Variants in ZNF804B observed in about 807,000 individuals in gnomAD.
ZNF804B encodes zinc finger protein 804B.
In ZNF804B, 80 loss-of-function variants were observed where a neutral mutation model predicts 101.4. The ratio of observed to expected loss-of-function variants is 0.79; its 90% CI spans 0.66 to 0.95. The LOEUF is 0.95. ZNF804B is among the 40% of genes least tolerant of loss of function. The probability of loss-of-function intolerance (pLI) is 0.00; values close to 1 mark genes in which losing one functional copy is unlikely to be tolerated. For synonymous variants in ZNF804B, 622 were observed against 558.8 expected (o/e 1.11, Z -1.59); for missense variants, 1,673 against 1,561.9 (o/e 1.07, Z -1.20).
At position 88,815,089 on chromosome 7, in the gene ZNF804B, T is replaced by C. The variant is rs557170069; in HGVS notation, c.108+55005T>C. ...ATATATGTATATATGTGTTCATACA[T>C]ATATGTATTATGTATATTCTCACAT... is the stretch of plus-strand genomic sequence containing the variant. On this transcript the variant is annotated intron_variant, in intron 1 of 3. Coordinates refer to ENST00000333190, the MANE Select transcript of ZNF804B (RefSeq NM_181646.5). Among the ~76,000 whole-genome samples the C allele has an allele frequency of 5.4e-5, 8 of 148,756 alleles. No homozygotes were observed. The East Asian group carries it at 7.8e-4, about 14-fold the overall frequency.
At chr7:89,015,412 T>C (rs1213049365) in intron 1 of ZNF804B, among the ~76,000 whole-genome samples, 1 of 152,068 alleles carries the variant, frequency 6.6e-6, no homozygotes, top group East Asian at 1.9e-4. Flanking sequence ...TGTATACATG[T>C]GCTATGCTGG....
rs141170314 is a variant in ZNF804B at position 88,900,912 on chromosome 7, A to G, written c.108+140828A>G. ...TCAAGGCAAACAAAGGTAAAATATT[A>G]TATTTAAAATAGCCGTAGTACATAC... On this transcript the variant is annotated intron_variant, in intron 1 of 3. Coordinates refer to ENST00000333190, the MANE Select transcript of ZNF804B (RefSeq NM_181646.5). Among the ~76,000 whole-genome samples, 236 of 151,868 alleles carry G rather than the reference A, an allele frequency of 1.6e-3. 2 individuals carry two copies. Among genetic ancestry groups the G allele is most frequent in the African/African-American group, 5.2e-3 (217 of 41,518 alleles).
At chr7:88,891,870 A>G (rs954877341) in intron 1 of ZNF804B, among the ~76,000 whole-genome samples, 1 of 152,034 alleles carries the variant, frequency 6.6e-6, no homozygotes, top group African/African-American at 2.4e-5. Flanking sequence ...GGTATATGCT[A>G]TCCCTCCCCT....
At chr7:89,248,555 G>C (rs150555962) in intron 2 of ZNF804B, among the ~76,000 whole-genome samples, 2 of 151,694 alleles carry the variant, frequency 1.3e-5, no homozygotes, top group African/African-American at 4.8e-5. Context: ...CTTAAGCAAA[G>C]GAGAAATAAA....
chr7:89,168,467 T>C (rs1474895866), intron 1 of ZNF804B, among the ~76,000 whole-genome samples: 1 of 152,274 alleles, frequency 6.6e-6, no homozygotes, highest in East Asian at 1.9e-4. Flanking sequence ...TTATTTATTT[T>C]AGGTGTTTAA....
intron 1 of ZNF804B, among the ~76,000 whole-genome samples, chr7:89,174,052 C>T (rs375122887): frequency 2.0e-5 from 3 of 151,896 alleles, no homozygotes; most frequent in South Asian, 2.1e-4. Context: ...AAGGATCCAT[C>T]GCCTCAAGCA....
At chr7:88,875,441 G>T (rs1284427732) in intron 1 of ZNF804B, among the ~76,000 whole-genome samples, 1 of 151,914 alleles carries the variant, frequency 6.6e-6, no homozygotes, top group Non-Finnish European at 1.5e-5. Context: ...AAAGAGAGAA[G>T]AATCAAATAG....
At chr7:88,863,426 T>C (rs1214772694) in intron 1 of ZNF804B, among the ~76,000 whole-genome samples, 2 of 152,216 alleles carry the variant, frequency 1.3e-5, no homozygotes, top group African/African-American at 2.4e-5. Flanking sequence ...CAGGTATTTA[T>C]TGAACATTTA....
At chr7:89,040,548 C>T (rs886706186) in intron 1 of ZNF804B, among the ~76,000 whole-genome samples, 5 of 152,102 alleles carry the variant, frequency 3.3e-5, no homozygotes, top group African/African-American at 1.2e-4. Context: ...TGTCTATGTT[C>T]TCTTATAGCT....
chr7:89,189,426 G>A (rs1258722912), intron 1 of ZNF804B, among the ~76,000 whole-genome samples: 2 of 152,108 alleles, frequency 1.3e-5, no homozygotes, highest in African/African-American at 4.8e-5. Flanking sequence ...TGAGGCAGCT[G>A]CTCGGAAGCC....
chr7:89,155,438 T>G (rs757208622), intron 1 of ZNF804B, among the ~76,000 whole-genome samples: 5 of 152,090 alleles, frequency 3.3e-5, no homozygotes, highest in African/African-American at 9.7e-5. Flanking sequence ...TCTTACCATC[T>G]CTCTCACCTG....
chr7:88,876,871 A>T (rs1195629618), intron 1 of ZNF804B, among the ~76,000 whole-genome samples: 1 of 150,656 alleles, frequency 6.6e-6, no homozygotes, highest in Non-Finnish European at 1.5e-5. Flanking sequence ...CCACTTAAAA[A>T]GTATGTTGAT....
chr7:89,050,568 G>T (rs1789184320), intron 1 of ZNF804B, among the ~76,000 whole-genome samples: 2 of 152,096 alleles, frequency 1.3e-5, no homozygotes, highest in South Asian at 2.1e-4. Flanking sequence ...GGACTCAATT[G>T]TGATACCTTA....
Position 88,951,776 on chromosome 7 carries a change from C to T in ZNF804B, c.108+191692C>T, listed in dbSNP as rs539391934. On this transcript the variant is annotated intron_variant, in intron 1 of 3. Coordinates refer to ENST00000333190, the MANE Select transcript of ZNF804B (RefSeq NM_181646.5). ...CTCAAACTTTAAAACAAAACAAAAC[C>T]CATTAATATGCAAATGTAGGCAACT... is the stretch of plus-strand genomic sequence containing the variant. Among the ~76,000 whole-genome samples, 6 of 151,792 alleles carry T rather than the reference C, an allele frequency of 4.0e-5. No individual in the cohort carries two copies. The South Asian group carries it at 1.2e-3, about 31-fold the overall frequency.
intron 1 of ZNF804B, among the ~76,000 whole-genome samples, chr7:88,918,939 G>A (rs1393255875): frequency 6.6e-6 from 1 of 152,050 alleles, no homozygotes; most frequent in African/African-American, 2.4e-5. Flanking sequence ...TCCTTCATCA[G>A]CAAAAGACAA....
chr7:89,108,857 A>G (rs1790173275), intron 1 of ZNF804B, among the ~76,000 whole-genome samples: 1 of 152,178 alleles, frequency 6.6e-6, no homozygotes, highest in Non-Finnish European at 1.5e-5. Flanking sequence ...TATAAAATTC[A>G]GGCTAAAAAG....
intron 1 of ZNF804B, among the ~76,000 whole-genome samples, chr7:88,896,647 C>A (rs1028832762): frequency 1.3e-5 from 2 of 152,060 alleles, no homozygotes; most frequent in African/African-American, 4.8e-5. Flanking sequence ...GGAAGAAATT[C>A]TAAGAGATAA....
chr7:89,017,177 C>T (rs1788580248), intron 1 of ZNF804B, among the ~76,000 whole-genome samples: 1 of 152,136 alleles, frequency 6.6e-6, no homozygotes, highest in African/African-American at 2.4e-5. Context: ...GATTTTTGTA[C>T]ATTGATATTG....
intron 1 of ZNF804B, among the ~76,000 whole-genome samples, chr7:89,023,806 C>T (rs1584079778): frequency 6.6e-6 from 1 of 152,170 alleles, no homozygotes; most frequent in Non-Finnish European, 1.5e-5. Context: ...TCCTGTCAGA[C>T]CTGAGCTCAT....
Sources: gnomAD v4.1 joint callset for allele counts (sites outside exome capture counted in the v4.1 genomes callset) on GRCh38, gnomAD v4.1.1 for gene constraint, MANE v1.5 for transcripts, NCBI Gene and HGNC (gene_info 2026-07-23, HGNC 2026-07-21) for gene names.